PARD3: variants seen among roughly 807,000 people sequenced by gnomAD.
PARD3 encodes the protein par-3 family cell polarity regulator, also known as partitioning defective 3 homolog.
In PARD3, 75 loss-of-function variants were observed where a neutral mutation model predicts 155.4. The observed-to-expected ratio is 0.48, with a 90% CI of 0.40 to 0.58. The LOEUF (loss-of-function observed/expected upper bound fraction) is 0.58, where lower values mean the gene tolerates loss of function less well. Among genes scored for constraint, PARD3 ranks in the 20% least tolerant of loss-of-function variants. PARD3 has a pLI of 0.00. For missense variants in PARD3, 1,642 were observed against 1,721.7 expected (o/e 0.95, Z 0.82); for synonymous variants, 576 against 610.5 (o/e 0.94, Z 0.83).
chr10:34,804,356 TAGA>T (rs1251798269), intron 1 of PARD3, among the ~76,000 whole-genome samples: 1 of 152,224 alleles, frequency 6.6e-6, no homozygotes, highest in Non-Finnish European at 1.5e-5. Flanking sequence ...TTGATTTGTC[TAGA>T]AGATTTTTTT....
intron 22 of PARD3, among the ~76,000 whole-genome samples, chr10:34,207,153 A>C (rs1951518376): frequency 6.6e-6 from 1 of 152,208 alleles, no homozygotes; most frequent in South Asian, 2.1e-4. Context: ...TATCAAGCCT[A>C]CATCAGCAAT....
intron 3 of PARD3, among the ~76,000 whole-genome samples, chr10:34,497,184 G>T (rs2080349270): frequency 1.3e-5 from 2 of 151,954 alleles, no homozygotes; most frequent in African/African-American, 4.8e-5. Flanking sequence ...CCACATTCAT[G>T]GATTCAAACT....
rs1291066598 is a variant in PARD3, at chr10:34,317,194, C to G, written c.2978G>C (p.Gly993Ala). The G allele has an allele frequency of 2.5e-6, 4 of 1,612,674 alleles. No individual in the cohort carries two copies. The South Asian group carries it at 4.4e-5, about 18-fold the overall frequency. The change falls in exon 20 of 25, where the codon GGA (glycine) becomes GCA (alanine). Residue 993 changes from glycine (G) to alanine (A), a missense_variant. This residue lies in a region of PARD3 where 1,529 missense variants were observed against 1,587.3 expected (regional missense o/e 0.96). Coordinates refer to ENST00000374788, the MANE Select transcript of PARD3 (RefSeq NM_001184785.2). ...DKTDRKKDKT[G>A]KEKKKDRDKE... Reference sequence around the variant, plus strand: ...ATCTCTATCTTTCTTCTTTTCTTTTCCAGTTTTATCCTTTTTTCTATCAGT... The same window carrying G: ...ATCTCTATCTTTCTTCTTTTCTTTTGCAGTTTTATCCTTTTTTCTATCAGT...
intron 12 of PARD3, among the ~76,000 whole-genome samples, chr10:34,371,726 C>T (rs960462997): frequency 3.9e-4 from 59 of 151,726 alleles, no homozygotes; most frequent in African/African-American, 7.3e-4. Flanking sequence ...TTTCCATTTA[C>T]GATAGTTTGA....
rs182380956 is a variant in PARD3, at chr10:34,658,568, A to T, written c.222+37750T>A. 4.6e-5 allele frequency among the ~76,000 whole-genome samples: 7 copies of T among 152,244 alleles called. No individual in the cohort carries two copies. The East Asian group carries it at 1.4e-3, about 29-fold the overall frequency. ...GCTGAGGCATGAGGAGCTTAGCAGA[A>T]GGACCTCGGTGCTGATTCTGTTAAG... is the stretch of plus-strand genomic sequence containing the variant. On this transcript the variant is annotated intron_variant, in intron 2 of 24. Transcript: ENST00000374788.
chr10:34,201,009 T>C (rs1951184829), intron 22 of PARD3, among the ~76,000 whole-genome samples: 1 of 152,198 alleles, frequency 6.6e-6, no homozygotes, highest in African/African-American at 2.4e-5. Flanking sequence ...TGTGTATACA[T>C]GCAGACACAC....
intron 5 of PARD3, among the ~76,000 whole-genome samples, chr10:34,448,746 A>C (rs962899332): frequency 2.0e-5 from 3 of 152,068 alleles, no homozygotes; most frequent in Admixed American, 2.0e-4. Flanking sequence ...TCGAGGCTGC[A>C]GTGAGCTATG....
intron 1 of PARD3, among the ~76,000 whole-genome samples, chr10:34,758,566 A>G (rs1242396443): frequency 1.3e-5 from 2 of 152,170 alleles, no homozygotes; most frequent in Non-Finnish European, 2.9e-5. Flanking sequence ...ATCACGTCAC[A>G]CTGTCTACAG....
intron 22 of PARD3, among the ~76,000 whole-genome samples, chr10:34,182,852 T>C (rs572814306): frequency 1.2e-4 from 18 of 152,268 alleles, no homozygotes; most frequent in African/African-American, 4.3e-4. Flanking sequence ...GCCAGGTCAT[T>C]ACTCTCCTCT....
At chr10:34,747,269 T>TGGGGCGGCA (rs1835438563) in intron 1 of PARD3, among the ~76,000 whole-genome samples, 3 of 152,132 alleles carry the variant, frequency 2.0e-5, no homozygotes, top group Admixed American at 2.0e-4. Context: ...CTAAGGGAGC[T>TGGGGCGGCA]GGGGCGGCAG....
At chr10:34,588,133 G>A (rs2088279710) in intron 2 of PARD3, among the ~76,000 whole-genome samples, 1 of 152,158 alleles carries the variant, frequency 6.6e-6, no homozygotes, top group African/African-American at 2.4e-5. Context: ...AAGTAAATGA[G>A]CAATTTGATA....
At chr10:34,220,124 C>T (rs1387299440) in intron 22 of PARD3, among the ~76,000 whole-genome samples, 2 of 152,138 alleles carry the variant, frequency 1.3e-5, no homozygotes, top group Non-Finnish European at 2.9e-5. Context: ...CGCTGGGTTT[C>T]ACCTTCCTTT....
At chr10:34,377,654 T>G (rs1396197441) in intron 10 of PARD3, among the ~76,000 whole-genome samples, 2 of 151,702 alleles carry the variant, frequency 1.3e-5, no homozygotes, top group African/African-American at 4.8e-5. Context: ...AAAAAAGAGC[T>G]GGGCACGATG....
intron 2 of PARD3, among the ~76,000 whole-genome samples, chr10:34,693,245 C>G (rs2094104347): frequency 6.6e-6 from 1 of 152,210 alleles, no homozygotes; most frequent in Non-Finnish European, 1.5e-5. Flanking sequence ...AATCCCATTA[C>G]TGTGTATATA....
chr10:34,508,933 C>T (rs1009834272), intron 3 of PARD3, among the ~76,000 whole-genome samples: 5 of 152,278 alleles, frequency 3.3e-5, no homozygotes, highest in Middle Eastern at 3.4e-3. Flanking sequence ...TGAACATTAT[C>T]TCATTACTAT....
chr10:34,708,847 G>A (rs2094407727), intron 1 of PARD3, among the ~76,000 whole-genome samples: 1 of 152,054 alleles, frequency 6.6e-6, no homozygotes, highest in Admixed American at 6.6e-5. Context: ...AACAATGAGG[G>A]AAATTTTAAT....
At chr10:34,345,630 G>T (rs1837335785) in intron 15 of PARD3, 1 of 985,236 alleles carries the variant, frequency 1.0e-6, no homozygotes, top group South Asian at 4.7e-5. Flanking sequence ...GAAATCCAAA[G>T]TCCTAATGTC....
intron 20 of PARD3, among the ~76,000 whole-genome samples, chr10:34,299,911 A>AAC (rs1957071721): frequency 6.6e-6 from 1 of 152,368 alleles, no homozygotes; most frequent in South Asian, 2.1e-4. Context: ...TATTACTGAA[A>AAC]ATATAAAAGA....
At chr10:34,269,516 T>C in intron 22 of PARD3, 141 bp downstream of exon 22, 1 of 846,254 alleles carries the variant, frequency 1.2e-6, no homozygotes, top group South Asian at 1.9e-5. Flanking sequence ...GTAAACTCAA[T>C]ACTTTTAGAC....
Sources: allele counts gnomAD v4.1 joint callset (sites outside exome capture counted in the v4.1 genomes callset), GRCh38; gene constraint gnomAD v4.1.1; regional missense constraint gnomAD v4.1.1; transcripts MANE v1.5; gene names NCBI Gene and HGNC (gene_info 2026-07-23, HGNC 2026-07-21).